The following SNPH variants were observed in gnomAD, a reference collection of about 807,000 sequenced individuals.
SNPH encodes syntaphilin.
SNPH carries 10 observed loss-of-function variants against 36.8 expected under a neutral mutation model. That is an observed-to-expected ratio of 0.27 (90% CI 0.17 to 0.46). SNPH has a LOEUF of 0.46. Ranked by LOEUF, SNPH falls within the 20% of genes least tolerant of loss-of-function variation. The pLI, the probability that SNPH is intolerant of heterozygous loss-of-function variation, is 1.00. For synonymous variants in SNPH, 281 were observed against 312.2 expected (o/e 0.90, Z 1.05); for missense variants, 622 against 744.0 (o/e 0.84, Z 1.91).
At chr20:1,279,174 T>C (rs985618645) in intron 2 of SNPH, among the ~76,000 whole-genome samples, 5 of 152,244 alleles carry the variant, frequency 3.3e-5, no homozygotes, top group African/African-American at 1.2e-4. Flanking sequence ...ATTTGACATT[T>C]CTACTCGCGG....
At position 1,278,794 on chromosome 20, in the gene SNPH, C is replaced by T. The variant is rs557066519; in HGVS notation, c.-493+12034C>T. On this transcript the variant is annotated intron_variant, in intron 2 of 6. Coordinates refer to ENST00000381867, the MANE Select transcript of SNPH (RefSeq NM_001318234.2). ...CGCCTCCCGGGTTCAAGCAATTCTC[C>T]TGCCTCAGCCTCCTGCGTAGCTGAG... Among the ~76,000 whole-genome samples, 7 of 152,272 alleles carry T rather than the reference C, an allele frequency of 4.6e-5. No individual in the cohort carries two copies. The South Asian group carries it at 1.5e-3, about 32-fold the overall frequency.
At chr20:1,269,115 A>G (rs1162867055) in intron 2 of SNPH, among the ~76,000 whole-genome samples, 1 of 152,186 alleles carries the variant, frequency 6.6e-6, no homozygotes, top group Non-Finnish European at 1.5e-5. Flanking sequence ...CAACATGGAT[A>G]TGCAGTAGAA....
At chr20:1,267,015 G>T (rs1280745827) in intron 2 of SNPH, among the ~76,000 whole-genome samples, 1 of 152,142 alleles carries the variant, frequency 6.6e-6, no homozygotes, top group South Asian at 2.1e-4. Context: ...TGATTAGGAG[G>T]CTTTTAGGGA....
Position 1,296,131 on chromosome 20 carries a change from G to A in SNPH, c.-109G>A, listed in dbSNP as rs2088428480. The A allele has an allele frequency of 1.1e-6, 1 of 917,146 alleles. No homozygotes were observed. Among genetic ancestry groups the A allele is most frequent in the Non-Finnish European group, 1.6e-6 (1 of 637,450 alleles). 56.8% of individuals were successfully genotyped at this position (917,146 alleles called of 1,614,324 possible). A position where few individuals can be genotyped will look rare whatever the true frequency, so the allele number is the denominator to read the frequency against. Reference sequence around the variant, plus strand: ...TCCTGACAGTTGTGGTTTTAAGTTGGGTGGTGGGAACCTGTGCACCAGCCC... The same window carrying A: ...TCCTGACAGTTGTGGTTTTAAGTTGAGTGGTGGGAACCTGTGCACCAGCCC... On this transcript the variant is annotated 5_prime_UTR_variant, in exon 4 of 7. Coordinates refer to ENST00000381867, the MANE Select transcript of SNPH (RefSeq NM_001318234.2).
intron 2 of SNPH, among the ~76,000 whole-genome samples, chr20:1,278,885 A>G (rs191841286): frequency 2.4e-4 from 36 of 152,340 alleles, no homozygotes; most frequent in African/African-American, 8.4e-4. Flanking sequence ...GGGTTTCACC[A>G]TCCTGGTCAG....
At chr20:1,279,015 A>G (rs1053711169) in intron 2 of SNPH, among the ~76,000 whole-genome samples, 1 of 152,238 alleles carries the variant, frequency 6.6e-6, no homozygotes, top group Non-Finnish European at 1.5e-5. Context: ...TTACAAGTAA[A>G]GCTGTTATAA....
chr20:1,307,089 A>G lies in SNPH; in HGVS notation c.*1035A>G, dbSNP rs2088588684. 1 of 152,588 alleles carries G rather than the reference A, an allele frequency of 6.6e-6. No homozygotes were observed. The highest frequency in any genetic ancestry group is 2.4e-5 in the African/African-American group (1 of 41,428). The allele number at this position is 152,588 out of a possible 1,614,324, so 9.5% of individuals were successfully genotyped here. A position where few individuals can be genotyped will look rare whatever the true frequency, so the allele number is the denominator to read the frequency against. ...CCAACTTCTGCTTTGCACTATGTTCACTTTGGGGTTGGTTCTCAGCCATCC... is the reference window on the plus strand; with the variant it reads ...CCAACTTCTGCTTTGCACTATGTTCGCTTTGGGGTTGGTTCTCAGCCATCC... On this transcript the variant is annotated 3_prime_UTR_variant, in exon 7 of 7. Transcript: ENST00000381867.
At chr20:1,296,946 CCTT>C in intron 4 of SNPH, 196 bp from the exon 5 acceptor site, 1 of 659,812 alleles carries the variant, frequency 1.5e-6, no homozygotes, top group Middle Eastern at 7.6e-4. Context: ...GGAGGACCAG[CCTT>C]CTTCTGGTTT....
intron 2 of SNPH, among the ~76,000 whole-genome samples, chr20:1,274,705 A>G (rs1306564606): frequency 2.0e-5 from 3 of 152,190 alleles, no homozygotes; most frequent in Admixed American, 6.5e-5. Context: ...AAGGACTGTG[A>G]GTCTGAGGAC....
At chr20:1,298,877 G>A (rs1358464270) in intron 5 of SNPH, among the ~76,000 whole-genome samples, 1 of 150,644 alleles carries the variant, frequency 6.6e-6, no homozygotes, top group Non-Finnish European at 1.5e-5. Flanking sequence ...AAGAGCTAGT[G>A]ACTAAAAATG....
chr20:1,283,354 T>G (rs762040298), intron 2 of SNPH, among the ~76,000 whole-genome samples: 5 of 152,256 alleles, frequency 3.3e-5, no homozygotes, highest in Non-Finnish European at 5.9e-5. Context: ...CACGCTGACC[T>G]CAGATCTTCT....
intron 5 of SNPH, among the ~76,000 whole-genome samples, chr20:1,297,637 G>T (rs1020635483): frequency 1.3e-5 from 2 of 152,188 alleles, no homozygotes; most frequent in African/African-American, 2.4e-5. Context: ...CATCAGGCCT[G>T]CCCTCCAGGA....
chr20:1,292,811 C>T (rs2088379209), intron 2 of SNPH, among the ~76,000 whole-genome samples: 1 of 152,198 alleles, frequency 6.6e-6, no homozygotes, highest in Non-Finnish European at 1.5e-5. Context: ...TTCTCCTTCC[C>T]TCCCATTTTC....
chr20:1,266,805 C>T lies in SNPH; in HGVS notation c.-493+45C>T, dbSNP rs1280627824. 7.6e-7 allele frequency: 1 copy of T among 1,308,492 alleles called. No individual in the cohort carries two copies. Among genetic ancestry groups the T allele is most frequent in the Non-Finnish European group, 9.7e-7 (1 of 1,028,046 alleles). 81.1% of individuals were successfully genotyped at this position (1,308,492 alleles called of 1,614,324 possible). On this transcript the variant is annotated intron_variant, in intron 2 of 6. Coordinates refer to ENST00000381867, the MANE Select transcript of SNPH (RefSeq NM_001318234.2). This position sits in a 1 kb window ranked among gnomAD's most constrained non-coding sequence, Gnocchi z 6.0. Reference sequence around the variant, plus strand: ...GCGGGGAGCTGGCCCTGCGCTGCACCGCGGCAGGTGGGGGCCGCTTGCAAC... The same window carrying T: ...GCGGGGAGCTGGCCCTGCGCTGCACTGCGGCAGGTGGGGGCCGCTTGCAAC...
At position 1,306,235 on chromosome 20, in the gene SNPH, A is replaced by G; in HGVS notation, c.*181A>G. ...AGCAGGGGTTGGAGAAAGGCATCCC[A>G]AAGCTTCGATGGAGAGCAGGGAAGG... On this transcript the variant is annotated 3_prime_UTR_variant, in exon 7 of 7. Transcript: ENST00000381867. 1 of 520,418 alleles carries G rather than the reference A, an allele frequency of 1.9e-6. No homozygotes were observed. The highest frequency in any genetic ancestry group is 3.5e-5 in the East Asian group (1 of 28,896). The allele number at this position is 520,418 out of a possible 1,614,324, so 32.2% of individuals were successfully genotyped here.
intron 2 of SNPH, among the ~76,000 whole-genome samples, chr20:1,284,411 A>C (rs546889279): frequency 2.6e-5 from 4 of 152,218 alleles, no homozygotes; most frequent in African/African-American, 4.8e-5. Flanking sequence ...TAAGGGACTA[A>C]ATAAAGCATA....
At chr20:1,288,066 G>A (rs1213046855) in intron 2 of SNPH, among the ~76,000 whole-genome samples, 1 of 152,242 alleles carries the variant, frequency 6.6e-6, no homozygotes, top group Non-Finnish European at 1.5e-5. Flanking sequence ...CCAGACGGGA[G>A]GCCTGCCAGA....
Position 1,276,800 on chromosome 20 carries a change from A to G in SNPH, c.-493+10040A>G, listed in dbSNP as rs2088137438. 1.3e-5 allele frequency among the ~76,000 whole-genome samples: 2 copies of G among 152,238 alleles called. No individual in the cohort carries two copies. Among genetic ancestry groups the G allele is most frequent in the Non-Finnish European group, 2.9e-5 (2 of 68,038 alleles). On this transcript the variant is annotated intron_variant, in intron 2 of 6. Transcript: ENST00000381867. This position sits in a 1 kb window ranked among gnomAD's most constrained non-coding sequence, Gnocchi z 4.6. ...AACTGGGTCCGGGTGACTGCAGAAC[A>G]GGAATGTTATTCCGAGAAACAGAAC...
intron 2 of SNPH, among the ~76,000 whole-genome samples, chr20:1,271,828 T>G (rs1028431371): frequency 1.3e-5 from 2 of 152,216 alleles, no homozygotes; most frequent in Non-Finnish European, 2.9e-5. Flanking sequence ...GTTTTTGTTT[T>G]TTTGTTTTAA....
Sources: gnomAD v4.1 joint callset for allele counts (sites outside exome capture counted in the v4.1 genomes callset) on GRCh38, gnomAD v4.1.1 for gene constraint, Gnocchi (gnomAD v3.1) non-coding constraint, MANE v1.5 for transcripts, NCBI Gene and HGNC (gene_info 2026-07-23, HGNC 2026-07-21) for gene names.